ENTREP2: variants seen among roughly 807,000 people sequenced by gnomAD.
The protein encoded by ENTREP2 is protein ENTREP2.
the ENTREP2 span, among the ~76,000 whole-genome samples, chr15:29,391,095 C>T: frequency 2.0e-5 from 3 of 152,108 alleles, no homozygotes; most frequent in South Asian, 2.1e-4. Flanking sequence ...ATTCTCCTTG[C>T]TTTGGGTGTG....
chr15:29,359,499 G>A, the ENTREP2 span, among the ~76,000 whole-genome samples: 21 of 152,192 alleles, frequency 1.4e-4, no homozygotes, highest in Admixed American at 5.2e-4. Context: ...TGCAAGCTCC[G>A]CCTCCCGGGT....
the ENTREP2 span, among the ~76,000 whole-genome samples, chr15:29,480,320 C>T: frequency 3.5e-5 from 3 of 85,750 alleles, 1 homozygote; most frequent in Non-Finnish European, 6.4e-5. Context: ...AATGTGTACA[C>T]AAGACCATTC....
chr15:29,399,176 T>C, the ENTREP2 span, among the ~76,000 whole-genome samples: 50 of 152,292 alleles, frequency 3.3e-4, no homozygotes, highest in African/African-American at 1.1e-3. Flanking sequence ...CTGAAGGAGT[T>C]TGGAAGTGGA....
chr15:29,442,021 C>T, the ENTREP2 span, among the ~76,000 whole-genome samples: 1 of 152,184 alleles, frequency 6.6e-6, no homozygotes, highest in African/African-American at 2.4e-5. Context: ...TCCCTCCCTC[C>T]CAATTCCTCT....
chr15:29,233,193 T>C, the ENTREP2 span, among the ~76,000 whole-genome samples: 24 of 152,326 alleles, frequency 1.6e-4, no homozygotes, highest in African/African-American at 5.5e-4. Context: ...TTCTGATTGA[T>C]AGCTTTTGAG....
the ENTREP2 span, among the ~76,000 whole-genome samples, chr15:29,470,771 T>G: frequency 6.6e-6 from 1 of 152,208 alleles, no homozygotes; most frequent in Non-Finnish European, 1.5e-5. Flanking sequence ...AAAGATATGC[T>G]AGCCCTGACA....
chr15:29,219,614 A>AATTC, the ENTREP2 span, among the ~76,000 whole-genome samples: 7 of 38,412 alleles, frequency 1.8e-4, no homozygotes, highest in African/African-American at 4.6e-4. Context: ...GTGGTGCATA[A>AATTC]ATATATATAT....
chr15:29,188,597 T>G, the ENTREP2 span, among the ~76,000 whole-genome samples: 1 of 152,240 alleles, frequency 6.6e-6, no homozygotes, highest in African/African-American at 2.4e-5. Flanking sequence ...ACTCATTCTT[T>G]TTTTATGGCT....
the ENTREP2 span, among the ~76,000 whole-genome samples, chr15:29,158,405 C>CCTTTTTTTTTTT: frequency 1.5e-5 from 2 of 133,174 alleles, 1 homozygote. Flanking sequence ...TTATCTCTGC[C>CCTTTTTTTTTTT]TTTTTTTTTT....
At chr15:29,553,969 A>C in the ENTREP2 span, among the ~76,000 whole-genome samples, 1 of 152,200 alleles carries the variant, frequency 6.6e-6, no homozygotes, top group Admixed American at 6.5e-5. Flanking sequence ...TTAAACTGCT[A>C]AGTTTGAGGA....
chr15:29,132,580 GAGAA>G, the ENTREP2 span, among the ~76,000 whole-genome samples: 1 of 152,238 alleles, frequency 6.6e-6, no homozygotes, highest in Non-Finnish European at 1.5e-5. Context: ...CCGCAGTTCT[GAGAA>G]AGAGATCTCA....
At chr15:29,469,069 T>C in the ENTREP2 span, among the ~76,000 whole-genome samples, 2 of 152,252 alleles carry the variant, frequency 1.3e-5, no homozygotes, top group East Asian at 3.9e-4. Flanking sequence ...CCCATCCCGA[T>C]AGCCCCCTTC....
the ENTREP2 span, among the ~76,000 whole-genome samples, chr15:29,601,493 G>T: frequency 2.2e-5 from 3 of 139,092 alleles, no homozygotes; most frequent in African/African-American, 5.4e-5. Context: ...TTTTTGTCAT[G>T]ACCTTTTCCC....
the ENTREP2 span, among the ~76,000 whole-genome samples, chr15:29,228,817 T>C: frequency 6.6e-6 from 1 of 152,188 alleles, no homozygotes; most frequent in Non-Finnish European, 1.5e-5. Context: ...TAAATAATAC[T>C]ATGAACTATT....
At chr15:29,473,773 T>C in the ENTREP2 span, among the ~76,000 whole-genome samples, 3 of 152,252 alleles carry the variant, frequency 2.0e-5, no homozygotes, top group Admixed American at 2.0e-4. Context: ...CGCCTGAGGC[T>C]GCTGGCAAAT....
chr15:29,640,789 A>G, the ENTREP2 span, among the ~76,000 whole-genome samples: 4 of 152,220 alleles, frequency 2.6e-5, no homozygotes, highest in African/African-American at 9.6e-5. Context: ...AAAATCTTCC[A>G]AAAAATACAA....
chr15:29,194,541 A>T, the ENTREP2 span, among the ~76,000 whole-genome samples: 1 of 152,222 alleles, frequency 6.6e-6, no homozygotes, highest in African/African-American at 2.4e-5. Flanking sequence ...TGTGCCATGC[A>T]TTCAGCTAGG....
chr15:29,650,525 G>A, the ENTREP2 span, among the ~76,000 whole-genome samples: 6 of 151,988 alleles, frequency 3.9e-5, no homozygotes, highest in Admixed American at 6.6e-5. Flanking sequence ...CCTGGGAGGC[G>A]GAGGCTGCAG....
chr15:29,611,006 T>G, the ENTREP2 span: 8 of 152,214 alleles, frequency 5.3e-5, no homozygotes, highest in South Asian at 2.1e-4. Flanking sequence ...CAGGCTGATG[T>G]GATGTTCAAA....
Sources: allele counts gnomAD v4.1 joint callset (sites outside exome capture counted in the v4.1 genomes callset), GRCh38; gene constraint gnomAD v4.1.1; transcripts MANE v1.5; gene names NCBI Gene and HGNC (gene_info 2026-07-23, HGNC 2026-07-21).